PFDN1: variants seen among roughly 807,000 people sequenced by gnomAD.
PFDN1 encodes prefoldin subunit 1, also known as prefoldin 1.
PFDN1 carries 6 observed loss-of-function variants against 17.3 expected under a neutral mutation model. That is an observed-to-expected ratio of 0.35 (90% CI 0.19 to 0.69). The LOEUF (loss-of-function observed/expected upper bound fraction) is 0.69. PFDN1 is among the 30% of genes least tolerant of loss of function. PFDN1 has a pLI of 0.65. For missense variants in PFDN1, 113 were observed against 146.2 expected (o/e 0.77, Z 1.17); for synonymous variants, 58 against 50.1 (o/e 1.16, Z -0.67).
intron 2 of PFDN1, among the ~76,000 whole-genome samples, chr5:140,297,682 A>G (rs972181890): frequency 6.6e-6 from 1 of 152,262 alleles, no homozygotes; most frequent in African/African-American, 2.4e-5. Flanking sequence ...TTATTAATTC[A>G]TATCCTAGCC....
At chr5:140,272,963 T>G (rs1561504424) in intron 3 of PFDN1, among the ~76,000 whole-genome samples, 1 of 152,190 alleles carries the variant, frequency 6.6e-6, no homozygotes, top group Non-Finnish European at 1.5e-5. Flanking sequence ...TGGGCATATG[T>G]CTTGTTTAAT....
intron 2 of PFDN1, among the ~76,000 whole-genome samples, chr5:140,291,589 A>T (rs1437276828): frequency 6.6e-6 from 1 of 152,152 alleles, no homozygotes; most frequent in Non-Finnish European, 1.5e-5. Context: ...AAAGATAAAA[A>T]ATCTGGGAGT....
At chr5:140,293,761 A>G (rs1298529860) in intron 2 of PFDN1, among the ~76,000 whole-genome samples, 1 of 152,052 alleles carries the variant, frequency 6.6e-6, no homozygotes, top group African/African-American at 2.4e-5. Context: ...TGACAACTTA[A>G]GGAAATTAAG....
At chr5:140,298,610 G>A (rs1765687755) in intron 2 of PFDN1, among the ~76,000 whole-genome samples, 1 of 151,902 alleles carries the variant, frequency 6.6e-6, no homozygotes, top group Admixed American at 6.6e-5. Context: ...AGGGCAATAT[G>A]CTTTTAAAAG....
chr5:140,295,038 G>A (rs1399127513), intron 2 of PFDN1, among the ~76,000 whole-genome samples: 1 of 151,758 alleles, frequency 6.6e-6, no homozygotes, highest in African/African-American at 2.4e-5. Flanking sequence ...CTTTTTAAAG[G>A]CTAATCTACT....
At chr5:140,286,262 A>C (rs1476440031) in intron 2 of PFDN1, among the ~76,000 whole-genome samples, 1 of 151,310 alleles carries the variant, frequency 6.6e-6, no homozygotes, top group Non-Finnish European at 1.5e-5. Flanking sequence ...AATACAAAAA[A>C]ATTAGCCGGT....
At chr5:140,295,836 A>G (rs1765645439) in intron 2 of PFDN1, among the ~76,000 whole-genome samples, 1 of 152,062 alleles carries the variant, frequency 6.6e-6, no homozygotes, top group Admixed American at 6.6e-5. Context: ...GATTTGTTTA[A>G]CTAAATACAT....
rs1765021036 is a variant in PFDN1, at chr5:140,258,559, G to A, written c.286-12502C>T. 2.6e-5 allele frequency among the ~76,000 whole-genome samples: 4 copies of A among 152,232 alleles called. No individual in the cohort carries two copies. In the South Asian group the frequency reaches 8.3e-4, roughly 32 times the overall value. ...TGGAAAGAGATGACAGTATCTTAGT[G>A]GTGACAATGGAGATGAAGAAGAGCA... On this transcript the variant is annotated intron_variant, in intron 3 of 3. Transcript: ENST00000261813.
intron 3 of PFDN1, among the ~76,000 whole-genome samples, chr5:140,259,645 T>C (rs1486558211): frequency 5.3e-5 from 8 of 152,204 alleles, no homozygotes; most frequent in Non-Finnish European, 8.8e-5. Context: ...GTTTGGCCTG[T>C]AGGCATGGTA....
At chr5:140,265,154 A>G (rs938989456) in intron 3 of PFDN1, among the ~76,000 whole-genome samples, 15 of 152,096 alleles carry the variant, frequency 9.9e-5, no homozygotes, top group African/African-American at 3.4e-4. Context: ...CTTGCGACTC[A>G]GGTCTAACAG....
rs372396753 is a variant in PFDN1, at chr5:140,302,094, G to A, written c.33+947C>T. Among the ~76,000 whole-genome samples the A allele has an allele frequency of 2.0e-5, 3 of 152,186 alleles. No individual in the cohort carries two copies. In the East Asian group the frequency reaches 5.8e-4, roughly 29 times the overall value. On this transcript the variant is annotated intron_variant, in intron 1 of 3. Transcript: ENST00000261813. ...ATTTCTTTTACACAAGTTGACCACA[G>A]GCAGTCTTAACTAAGATGTTGCTCA...
At chr5:140,275,408 CAA>C (rs34009092) in intron 3 of PFDN1, among the ~76,000 whole-genome samples, 28 of 106,704 alleles carry the variant, frequency 2.6e-4, no homozygotes, top group Admixed American at 3.8e-4. Context: ...GACTCTGTCT[CAA>C]AAAAAAAAAA....
In PFDN1 at chr5:140,248,802, C is replaced by A. The variant is rs539597734; in HGVS notation, c.286-2745G>T. On this transcript the variant is annotated intron_variant, in intron 3 of 3. Coordinates refer to ENST00000261813, the MANE Select transcript of PFDN1 (RefSeq NM_002622.5). Reference sequence around the variant, plus strand: ...ATTTTACCACTGCATATCCTAAAGTCTTCAGGTTTCCAAACAATGATGCAA... The same window carrying A: ...ATTTTACCACTGCATATCCTAAAGTATTCAGGTTTCCAAACAATGATGCAA... Among the ~76,000 whole-genome samples, 3 of 152,294 alleles carry A rather than the reference C, an allele frequency of 2.0e-5. No homozygotes were observed. In the South Asian group the frequency reaches 6.2e-4, roughly 32 times the overall value.
In PFDN1 at chr5:140,264,020, C is replaced by CAAAAAAAA. The variant is rs58605224; in HGVS notation, c.285+17421_285+17428dup. Among the ~76,000 whole-genome samples, 174 of 55,566 alleles carry CAAAAAAAA rather than the reference C, an allele frequency of 3.1e-3. 34 individuals are homozygous for CAAAAAAAA. Among genetic ancestry groups the CAAAAAAAA allele is most frequent in the Non-Finnish European group, 4.9e-3 (148 of 30,042 alleles). 36.5% of individuals were successfully genotyped at this position (55,566 alleles called of 152,430 possible). A position where few individuals can be genotyped will look rare whatever the true frequency, so the allele number is the denominator to read the frequency against. On this transcript the variant is annotated intron_variant, in intron 3 of 3. Transcript: ENST00000261813. The stretch of plus-strand genomic sequence containing the variant: ...TGGGGGTCAGAGTGAGACTCCATCT[C>CAAAAAAAA]AAAAAAAAAAAAAAAAAAAAAAAAA...
intron 3 of PFDN1, among the ~76,000 whole-genome samples, chr5:140,279,999 AAAAAAAAAAAAAAAC>A (rs1265790107): frequency 2.0e-5 from 2 of 101,106 alleles, no homozygotes; most frequent in African/African-American, 1.1e-4. Context: ...CCGTCTCAAA[AAAAAAAAAAAAAAAC>A]AAAAAAAGAA....
At chr5:140,271,834 G>A (rs1489857190) in intron 3 of PFDN1, among the ~76,000 whole-genome samples, 1 of 151,752 alleles carries the variant, frequency 6.6e-6, no homozygotes, top group Non-Finnish European at 1.5e-5. Flanking sequence ...CAAACACAAC[G>A]TGGAGAGAAA....
At chr5:140,258,825 G>C (rs1028284987) in intron 3 of PFDN1, among the ~76,000 whole-genome samples, 1 of 152,210 alleles carries the variant, frequency 6.6e-6, no homozygotes, top group East Asian at 1.9e-4. Context: ...TAAGGTACCT[G>C]TGAGACATCC....
chr5:140,264,580 T>C (rs969029253), intron 3 of PFDN1, among the ~76,000 whole-genome samples: 1 of 152,096 alleles, frequency 6.6e-6, no homozygotes, highest in Non-Finnish European at 1.5e-5. Flanking sequence ...GGGTCATGCC[T>C]GTAATCCCAA....
intron 1 of PFDN1, 69 bp downstream of exon 1, chr5:140,302,972 G>T: frequency 9.1e-7 from 1 of 1,093,138 alleles, no homozygotes; most frequent in Non-Finnish European, 1.4e-6. Context: ...TGCCTCACTT[G>T]ATATTCTTGT....
Sources: gnomAD v4.1 joint callset for allele counts (sites outside exome capture counted in the v4.1 genomes callset) on GRCh38, gnomAD v4.1.1 for gene constraint, MANE v1.5 for transcripts, NCBI Gene and HGNC (gene_info 2026-07-23, HGNC 2026-07-21) for gene names.